The following NDRG4 variants were observed in gnomAD, a reference collection of about 807,000 sequenced individuals.
NDRG4 encodes protein NDRG4.
A neutral mutation model predicts 55.8 loss-of-function variants in NDRG4; 38 were observed. That is an observed-to-expected ratio of 0.68 (90% CI 0.53 to 0.89). The LOEUF (loss-of-function observed/expected upper bound fraction) is 0.89. Ranked by LOEUF, NDRG4 falls within the 40% of genes least tolerant of loss-of-function variation. The pLI is 0.00. For missense variants in NDRG4, 455 were observed against 468.6 expected (o/e 0.97, Z 0.27); for synonymous variants, 190 against 182.7 (o/e 1.04, Z -0.32).
chr16:58,493,849 C>T (rs1324871023), intron 2 of NDRG4, among the ~76,000 whole-genome samples: 4 of 152,148 alleles, frequency 2.6e-5, no homozygotes, highest in Non-Finnish European at 5.9e-5. Context: ...GAAAGTGGCC[C>T]GAGTCTGAGC....
At chr16:58,494,907 G>T in intron 2 of NDRG4, 1 of 1,532,562 alleles carries the variant, frequency 6.5e-7, no homozygotes, top group Non-Finnish European at 9.0e-7. Context: ...AGGCCCCACG[G>T]GCTCCCCAGA....
At chr16:58,481,565 A>G (rs1177446354) in intron 1 of NDRG4, among the ~76,000 whole-genome samples, 1 of 152,176 alleles carries the variant, frequency 6.6e-6, no homozygotes, top group Non-Finnish European at 1.5e-5. Flanking sequence ...CAAGTTTGAC[A>G]TAAATCAAGG....
At position 58,506,939 on chromosome 16, in the gene NDRG4, G is replaced by A; in HGVS notation, c.544G>A (p.Val182Met). The part of the protein sequence containing the change: ...QEELVNNTEL[V>M]QSYRQQIGNV... ...GGAGCTGGTGAACAACACAGAGTTG[G>A]TGCAGAGCTACCGGCAGCAGATTGG... The change falls in exon 8 of 15, where the codon GTG (valine) becomes ATG (methionine). Residue 182 changes from valine to methionine, a missense_variant. Transcript: ENST00000570248. 1 of 1,614,120 alleles carries A rather than the reference G, an allele frequency of 6.2e-7. No individual in the cohort carries two copies. Among genetic ancestry groups the A allele is most frequent in the Non-Finnish European group, 8.5e-7 (1 of 1,180,016 alleles).
chr16:58,489,929 C>T lies in NDRG4; in HGVS notation c.72+2079C>T, dbSNP rs143813004. Among the ~76,000 whole-genome samples the T allele has an allele frequency of 9.7e-3, 1,484 of 152,250 alleles. 21 individuals are homozygous for T. The highest frequency in any genetic ancestry group is 0.034 in the African/African-American group (1,405 of 41,518). ...GTGCCATCATAGCCCACTGCAGCCT[C>T]AACTTCCTGGGCTCAAGTGATCCTC... On this transcript the variant is annotated intron_variant, in intron 2 of 15. Transcript: ENST00000258187.
intron 1 of NDRG4, among the ~76,000 whole-genome samples, chr16:58,482,441 T>C (rs1459326708): frequency 6.6e-6 from 1 of 152,130 alleles, no homozygotes; most frequent in Non-Finnish European, 1.5e-5. Flanking sequence ...TCTCTTTCAG[T>C]TCTAGCGTTT....
intron 1 of NDRG4, among the ~76,000 whole-genome samples, chr16:58,479,522 A>G (rs2034138540): frequency 6.6e-6 from 1 of 152,172 alleles, no homozygotes; most frequent in Admixed American, 6.5e-5. Context: ...ACAGACTACC[A>G]AGTTGTTCTC....
rs762898432 is a variant in NDRG4, at chr16:58,506,933, G to C, written c.538G>C (p.Glu180Gln). 6.2e-7 allele frequency: 1 copy of C among 1,614,132 alleles called. No individual in the cohort carries two copies. The highest frequency in any genetic ancestry group is 8.5e-7 in the Non-Finnish European group (1 of 1,180,002). ...CTAGGAGGAGCTGGTGAACAACACA[G>C]AGTTGGTGCAGAGCTACCGGCAGCA... is the stretch of plus-strand genomic sequence containing the variant. ...FSQEELVNNT[E>Q]LVQSYRQQIG... The change falls in exon 8 of 15, where the codon GAG becomes CAG. Residue 180 changes from glutamate to glutamine, a missense_variant. Glu to Gln is a conservative substitution (Grantham distance 29). Transcript: ENST00000570248.
downstream of NDRG4, among the ~76,000 whole-genome samples, chr16:58,514,457 CCGCGCG>C (rs77759918): frequency 0.047 from 7,130 of 152,204 alleles, 409 homozygotes; most frequent in East Asian, 0.25. Flanking sequence ...ACAGACCAGG[CCGCGCG>C]CGGTGGCTCA....
At chr16:58,489,716 G>A (rs1462600602) in intron 2 of NDRG4, among the ~76,000 whole-genome samples, 2 of 152,082 alleles carry the variant, frequency 1.3e-5, no homozygotes, top group Non-Finnish European at 2.9e-5. Flanking sequence ...TAAAAACATG[G>A]GCTGGGTGGA....
At chr16:58,485,072 C>T (rs1380729034) in intron 1 of NDRG4, among the ~76,000 whole-genome samples, 2 of 151,852 alleles carry the variant, frequency 1.3e-5, no homozygotes, top group African/African-American at 4.8e-5. Flanking sequence ...TTAGTAGAGA[C>T]GGGGTTTCAC....
rs1567555475 is a variant in NDRG4 at position 58,464,463 on chromosome 16, C to T, written c.-24+666C>T. On this transcript the variant is annotated intron_variant, in intron 1 of 15. Coordinates refer to the NDRG4 transcript ENST00000258187. This position sits in a 1 kb window ranked among gnomAD's most constrained non-coding sequence, Gnocchi z 4.8. The stretch of plus-strand genomic sequence containing the variant: ...TGCTGGGACACCGGCTGGAGCTGCT[C>T]ACAGGTACCGCCCGCCTGCCCCGCA... 2 of 1,334,866 alleles carry T rather than the reference C, an allele frequency of 1.5e-6. No homozygotes were observed. The highest frequency in any genetic ancestry group is 1.9e-6 in the Non-Finnish European group (2 of 1,042,590). The allele number at this position is 1,334,866 out of a possible 1,614,324, so 82.7% of individuals were successfully genotyped here.
intron 13 of NDRG4, among the ~76,000 whole-genome samples, chr16:58,509,708 A>G (rs1272684784): frequency 2.0e-5 from 3 of 151,638 alleles, no homozygotes; most frequent in Non-Finnish European, 4.4e-5. Flanking sequence ...GGTGAGGCAC[A>G]CTCCCCTCAC....
chr16:58,489,991 T>A (rs2035585879), intron 2 of NDRG4, among the ~76,000 whole-genome samples: 1 of 152,116 alleles, frequency 6.6e-6, no homozygotes, highest in South Asian at 2.1e-4. Context: ...ATCTTAGGCA[T>A]GTGCCACCAC....
intron 14 of NDRG4, chr16:58,511,011 G>A (rs1181450058): frequency 4.0e-6 from 2 of 497,762 alleles, no homozygotes; most frequent in South Asian, 3.2e-5. Flanking sequence ...GTTCCGGAGG[G>A]TAGAGTTTGC....
chr16:58,508,873 C>A, intron 10 of NDRG4, 89 bp from the exon 11 acceptor site: 1 of 1,455,232 alleles, frequency 6.9e-7, no homozygotes, highest in Non-Finnish European at 9.5e-7. Context: ...CACCCCCTCT[C>A]CTCCCCGAGC....
In NDRG4 at chr16:58,508,950, C is replaced by G. The variant is rs773833642; in HGVS notation, c.730-12C>G. The G allele has an allele frequency of 1.2e-6, 2 of 1,613,364 alleles. No homozygotes were observed. Among genetic ancestry groups the G allele is most frequent in the African/African-American group, 1.3e-5 (1 of 74,944 alleles). Reference sequence around the variant, plus strand: ...GCAGGGGCTGTTGCTGAAGCTGGCTCCTTGTCCTCAGGTGGAGTGCAACTC... The same window carrying G: ...GCAGGGGCTGTTGCTGAAGCTGGCTGCTTGTCCTCAGGTGGAGTGCAACTC... On this transcript the variant is annotated splice_polypyrimidine_tract_variant and intron_variant, in intron 10 of 14. Transcript: ENST00000570248.
At chr16:58,470,189 AAAC>A (rs1402966689) in intron 1 of NDRG4, among the ~76,000 whole-genome samples, 1 of 152,214 alleles carries the variant, frequency 6.6e-6, no homozygotes, top group Non-Finnish European at 1.5e-5. Flanking sequence ...CTGTTTTTAA[AAAC>A]AAAAAAATTC....
At chr16:58,479,268 C>T (rs2034111952) in intron 1 of NDRG4, among the ~76,000 whole-genome samples, 2 of 152,084 alleles carry the variant, frequency 1.3e-5, no homozygotes, top group South Asian at 4.2e-4. Flanking sequence ...GAATGCTTTC[C>T]CACTCTGTTT....
chr16:58,496,101 C>T (rs2036371394), upstream of NDRG4, among the ~76,000 whole-genome samples: 2 of 152,168 alleles, frequency 1.3e-5, no homozygotes, highest in Non-Finnish European at 2.9e-5. Flanking sequence ...GCCGGTGCCT[C>T]AACACACTGG....
Sources: allele counts gnomAD v4.1 joint callset (sites outside exome capture counted in the v4.1 genomes callset), GRCh38; gene constraint gnomAD v4.1.1; non-coding constraint Gnocchi (gnomAD v3.1); transcripts MANE v1.5; gene names NCBI Gene and HGNC (gene_info 2026-07-23, HGNC 2026-07-21).